INTS11: variants seen among roughly 807,000 people sequenced by gnomAD.
INTS11 encodes the protein integrator complex subunit 11.
Under a neutral mutation model 78.6 loss-of-function variants are expected in INTS11, and 77 were observed. The ratio of observed to expected loss-of-function variants is 0.98; its 90% CI spans 0.81 to 1.18. INTS11 has a LOEUF of 1.18. INTS11 is among the 50% of genes most tolerant of loss of function. The pLI is 0.00. For synonymous variants in INTS11, 441 were observed against 326.9 expected (o/e 1.35, Z -3.77); for missense variants, 875 against 825.9 (o/e 1.06, Z -0.73).
chr1:1,311,980 C>A (rs747292136), intron 16 of INTS11, 38 bp downstream of exon 16: 3 of 1,596,462 alleles, frequency 1.9e-6, no homozygotes, highest in Non-Finnish European at 2.6e-6. Flanking sequence ...AATGTTGATA[C>A]CTGTGTTGAC....
Position 1,312,417 on chromosome 1 carries a change from C to T in INTS11, c.1464+23G>A. Reference sequence around the variant, plus strand: ...GAGCGCAGCAGCGGCCCTCCCCCCTCCAGAGACCGTCCTGGCACTCACGCT... The same window carrying T: ...GAGCGCAGCAGCGGCCCTCCCCCCTTCAGAGACCGTCCTGGCACTCACGCT... On this transcript the variant is annotated intron_variant, in intron 14 of 16. Coordinates refer to ENST00000435064, the MANE Select transcript of INTS11 (RefSeq NM_017871.6). The T allele has an allele frequency of 2.6e-6, 4 of 1,565,318 alleles. No homozygotes were observed. In the South Asian group the frequency reaches 4.7e-5, roughly 18 times the overall value.
rs1262901513 is a variant in INTS11, at chr1:1,320,519, GGGAAGCGTCGCTA to G, written c.127-3_136del. The G allele has an allele frequency of 6.2e-7, 1 of 1,613,922 alleles. No homozygotes were observed. The highest frequency in any genetic ancestry group is 2.2e-5 in the East Asian group (1 of 44,884). On this transcript the variant is annotated splice_acceptor_variant and splice_polypyrimidine_tract_variant and coding_sequence_variant and intron_variant, in exon 3 of 17. Transcript: ENST00000435064. LOFTEE classifies it high-confidence loss of function. ...GTTCTGGGTGATGTAGGAGAAGTCA[GGGAAGCGTCGCTA>G]GGAAGGATGTGGGGGTTTCAGGTTG...
intron 2 of INTS11, 131 bp from the exon 3 acceptor site, chr1:1,320,660 G>A (rs753307080): frequency 5.9e-5 from 55 of 927,312 alleles, no homozygotes; most frequent in Non-Finnish European, 8.2e-5. Flanking sequence ...CTCCCATCCC[G>A]CAGGTGGCAC....
chr1:1,319,159 G>A (rs754124510), intron 4 of INTS11, 137 bp downstream of exon 4: 4 of 862,706 alleles, frequency 4.6e-6, no homozygotes, highest in East Asian at 2.4e-5. Context: ...TGTCCCCACG[G>A]TGCTGGACGC....
intron 1 of INTS11, among the ~76,000 whole-genome samples, chr1:1,321,616 T>C (rs938221602): frequency 6.6e-6 from 1 of 152,192 alleles, no homozygotes; most frequent in Non-Finnish European, 1.5e-5. Context: ...AGCCATGCCA[T>C]AGCGAACACG....
chr1:1,320,998 C>T lies in INTS11; in HGVS notation c.124G>A (p.Asp42Asn), dbSNP rs750821305. 5 of 1,612,598 alleles carry T rather than the reference C, an allele frequency of 3.1e-6. No homozygotes were observed. The South Asian group carries it at 4.4e-5, about 14-fold the overall frequency. Residue 42 changes from aspartate (D) to asparagine (N), a missense_variant and splice_region_variant, in exon 2 of 17, where the codon GAC becomes AAC. Coordinates refer to ENST00000435064, the MANE Select transcript of INTS11 (RefSeq NM_017871.6). The part of the protein sequence containing the change: ...DCGMHMGFND[D>N]RRFPDFSYIT... ...GGCCTCCTGCCCAAGGGACTCACGT[C>T]GTCATTGAAGCCCATGTGCATTCCA...
rs1294368403 is a variant in INTS11, at chr1:1,314,518, G to A, written c.703-153C>T. 1 of 695,056 alleles carries A rather than the reference G, an allele frequency of 1.4e-6. No homozygotes were observed. Among genetic ancestry groups the A allele is most frequent in the African/African-American group, 1.8e-5 (1 of 55,100 alleles). 43.1% of individuals were successfully genotyped at this position (695,056 alleles called of 1,614,324 possible). On this transcript the variant is annotated intron_variant, in intron 7 of 16. Coordinates refer to ENST00000435064, the MANE Select transcript of INTS11 (RefSeq NM_017871.6). The surrounding 1 kb of genome is among the most constrained non-coding windows in gnomAD (Gnocchi z 4.2). ...CCAGTCCCGTCCCAGCCGCTCTCCA[G>A]AGACAGAAGGGAGCCGTATGAGAGA...
Position 1,314,176 on chromosome 1 carries a change from GC to G in INTS11, c.767+124del. The stretch of plus-strand genomic sequence containing the variant: ...CCTGGGGTCACACAGCACACGAGCG[GC>G]CCCCCAGGACAGCAGCAAGCAGGGC... On this transcript the variant is annotated intron_variant, in intron 8 of 16. Coordinates refer to ENST00000435064, the MANE Select transcript of INTS11 (RefSeq NM_017871.6). This position sits in a 1 kb window ranked among gnomAD's most constrained non-coding sequence, Gnocchi z 4.2. 7 of 953,808 alleles carry G rather than the reference GC, an allele frequency of 7.3e-6. No individual in the cohort carries two copies. The highest frequency in any genetic ancestry group is 1.4e-5 in the South Asian group (1 of 70,822). 59.1% of individuals were successfully genotyped at this position (953,808 alleles called of 1,614,324 possible).
chr1:1,319,307 G>A lies in INTS11; in HGVS notation c.418C>T (p.Gln140Ter). Residue 140 changes from glutamine (Q) to a stop codon, truncating the protein, a stop_gained, in exon 4 of 17, where the codon CAG becomes TAG. Coordinates refer to ENST00000435064, the MANE Select transcript of INTS11 (RefSeq NM_017871.6). LOFTEE classifies it high-confidence loss of function. ...CCTGGGAACCTGACCTGGACCGTCT[G>A]GTGGAGGTGGACAGCCACCACCTTC... ...MKKVVAVHLH[Q>*]TVQVDDELEI... is the part of the protein sequence containing the mutation. 1 of 1,612,996 alleles carries A rather than the reference G, an allele frequency of 6.2e-7. No homozygotes were observed. The highest frequency in any genetic ancestry group is 8.5e-7 in the Non-Finnish European group (1 of 1,179,796).
At chr1:1,321,898 T>TGCCC in intron 1 of INTS11, 1 of 1,141,986 alleles carries the variant, frequency 8.8e-7, no homozygotes, top group Non-Finnish European at 1.2e-6. Context: ...TCCCCTTGAA[T>TGCCC]CCCACCCACC....
chr1:1,319,754 A>G, intron 3 of INTS11: 1 of 558,120 alleles, frequency 1.8e-6, no homozygotes, highest in Non-Finnish European at 3.2e-6. Flanking sequence ...GGTGACGGCG[A>G]CATGCTCGCG....
At position 1,312,665 on chromosome 1, in the gene INTS11, C is replaced by T; in HGVS notation, c.1330G>A (p.Val444Met). ...ATGCTGGGGCTTGTGGGCAGCGTCA[C>T]CGTCTCGCCATTGGCCGGCATGTAG... Reference protein sequence around the residue: ...NCYMPANGETVTLPTSPSIPV... With the variant: ...NCYMPANGETMTLPTSPSIPV... The change falls in exon 13 of 17, where the codon GTG becomes ATG. Residue 444 changes from valine to methionine, a missense_variant. Transcript: ENST00000435064. The T allele has an allele frequency of 6.3e-7, 1 of 1,595,776 alleles. No homozygotes were observed. Among genetic ancestry groups the T allele is most frequent in the Non-Finnish European group, 8.6e-7 (1 of 1,168,280 alleles).
chr1:1,320,254 G>T, intron 3 of INTS11: 1 of 586,236 alleles, frequency 1.7e-6, no homozygotes, highest in Non-Finnish European at 3.1e-6. Context: ...AGGGTTCAGA[G>T]GGCAGGGCCG....
chr1:1,314,482 C>G lies in INTS11; in HGVS notation c.703-117G>C. The G allele has an allele frequency of 2.3e-6, 2 of 882,792 alleles. No individual in the cohort carries two copies. The highest frequency in any genetic ancestry group is 3.5e-6 in the Non-Finnish European group (2 of 579,616). The allele number at this position is 882,792 out of a possible 1,614,324, so 54.7% of individuals were successfully genotyped here. ...TGCGGCCTCATAGGGACCTTAGCCT[C>G]TCATCTGCTCCCAGTCCCGTCCCAG... On this transcript the variant is annotated intron_variant, in intron 7 of 16. Transcript: ENST00000435064. This position sits in a 1 kb window ranked among gnomAD's most constrained non-coding sequence, Gnocchi z 4.2.
At chr1:1,317,538 A>T (rs2100605634) in intron 4 of INTS11, 1 of 768,276 alleles carries the variant, frequency 1.3e-6, no homozygotes, top group East Asian at 1.3e-4. Flanking sequence ...ACGGAGTTTC[A>T]AGAGGTTGAA....
rs778847837 is a variant in INTS11, at chr1:1,313,716, C to T, written c.957+16G>A. On this transcript the variant is annotated intron_variant, in intron 9 of 16. Transcript: ENST00000435064. ...ACGGGTGTGGATGTGCTGGCCGGCC[C>T]TGCCGCGGGCCTCACCATCGGTCCT... is the stretch of plus-strand genomic sequence containing the variant. 2 of 1,610,546 alleles carry T rather than the reference C, an allele frequency of 1.2e-6. No individual in the cohort carries two copies. Among genetic ancestry groups the T allele is most frequent in the African/African-American group, 2.7e-5 (2 of 74,908 alleles).
intron 4 of INTS11, 33 bp from the exon 5 acceptor site, chr1:1,315,651 C>T: frequency 1.3e-6 from 2 of 1,545,144 alleles, no homozygotes; most frequent in South Asian, 2.2e-5. Context: ...CAGGCTGTGT[C>T]CTCACAGCAG....
At position 1,312,213 on chromosome 1, in the gene INTS11, G is replaced by GGGGGGGGGGGGGGCC; in HGVS notation, c.1607+12_1607+13insGGCCCCCCCCCCCCC. ...CCCAAGGGAGTGGGGGGGGGGCGGG[G>GGGGGGGGGGGGGGCC]CCGGGCGCCCACCTCTTGAGGTGGC... On this transcript the variant is annotated intron_variant, in intron 15 of 16. Coordinates refer to ENST00000435064, the MANE Select transcript of INTS11 (RefSeq NM_017871.6). 2.1e-6 allele frequency: 2 copies of GGGGGGGGGGGGGGCC among 934,626 alleles called. No homozygotes were observed. The highest frequency in any genetic ancestry group is 1.6e-6 in the Non-Finnish European group (1 of 636,676). The allele number at this position is 934,626 out of a possible 1,614,324, so 57.9% of individuals were successfully genotyped here. A position where few individuals can be genotyped will look rare whatever the true frequency, so the allele number is the denominator to read the frequency against.
chr1:1,312,208 G>GGGGGCGGGGC lies in INTS11; in HGVS notation c.1607+17_1607+18insGCCCCGCCCC. 2.7e-6 allele frequency: 3 copies of GGGGGCGGGGC among 1,123,368 alleles called. No individual in the cohort carries two copies. The highest frequency in any genetic ancestry group is 3.7e-6 in the Non-Finnish European group (3 of 801,332). The allele number at this position is 1,123,368 out of a possible 1,614,324, so 69.6% of individuals were successfully genotyped here. A position where few individuals can be genotyped will look rare whatever the true frequency, so the allele number is the denominator to read the frequency against. On this transcript the variant is annotated intron_variant, in intron 15 of 16. Transcript: ENST00000435064. The stretch of plus-strand genomic sequence containing the variant: ...CAGGGCCCAAGGGAGTGGGGGGGGG[G>GGGGGCGGGGC]CGGGGCCGGGCGCCCACCTCTTGAG...
Sources: allele counts gnomAD v4.1 joint callset (sites outside exome capture counted in the v4.1 genomes callset), GRCh38; gene constraint gnomAD v4.1.1; non-coding constraint Gnocchi (gnomAD v3.1); transcripts MANE v1.5; gene names NCBI Gene and HGNC (gene_info 2026-07-23, HGNC 2026-07-21).